Variants in ROBO2 observed in about 807,000 individuals in gnomAD.
ROBO2 encodes the protein roundabout guidance receptor 2.
Under a neutral mutation model 160.8 loss-of-function variants are expected in ROBO2, and 53 were observed. The ratio of observed to expected loss-of-function variants is 0.33; its 90% CI spans 0.26 to 0.41. ROBO2 has a LOEUF of 0.41. Ranked by LOEUF, ROBO2 falls within the 10% of genes least tolerant of loss-of-function variation. The probability of loss-of-function intolerance (pLI) is 1.00; values close to 1 mark genes in which losing one functional copy is unlikely to be tolerated. For missense variants in ROBO2, 1,577 were observed against 1,722.4 expected (o/e 0.92, Z 1.49); for synonymous variants, 664 against 611.7 (o/e 1.09, Z -1.26).
intron 2 of ROBO2, among the ~76,000 whole-genome samples, chr3:77,352,439 G>T (rs2068485230): frequency 6.6e-6 from 1 of 151,994 alleles, no homozygotes; most frequent in South Asian, 2.1e-4. Flanking sequence ...CCCAGAGAGA[G>T]ACATCAGTTT....
intron 2 of ROBO2, among the ~76,000 whole-genome samples, chr3:76,962,335 AAAAC>A (rs901606170): frequency 8.6e-5 from 13 of 152,022 alleles, no homozygotes; most frequent in South Asian, 8.3e-4. Flanking sequence ...TTCCATTAAA[AAAAC>A]AAACAAACAA....
At chr3:76,323,138 T>TACACACACACACACACACACACACAC (rs71874425) in intron 2 of ROBO2, among the ~76,000 whole-genome samples, 111 of 144,038 alleles carry the variant, frequency 7.7e-4, no homozygotes, top group Middle Eastern at 3.5e-3. Context: ...TTGTTAGTAT[T>TACACACACACACACACACACACACAC]ACACACACAC....
intron 2 of ROBO2, among the ~76,000 whole-genome samples, chr3:76,861,138 T>A (rs1456978645): frequency 6.6e-6 from 1 of 152,198 alleles, no homozygotes; most frequent in Non-Finnish European, 1.5e-5. Context: ...GACATTACAC[T>A]ATTCTGAGTT....
intron 2 of ROBO2, among the ~76,000 whole-genome samples, chr3:76,386,618 G>T (rs974848011): frequency 6.6e-6 from 1 of 152,026 alleles, no homozygotes; most frequent in Non-Finnish European, 1.5e-5. Context: ...TGTGGCAGAT[G>T]TTAAGGTAAT....
chr3:77,461,323 A>G (rs2082220316), intron 2 of ROBO2, among the ~76,000 whole-genome samples: 2 of 152,150 alleles, frequency 1.3e-5, no homozygotes, highest in South Asian at 4.2e-4. Flanking sequence ...AATGAATTTT[A>G]ACTAACATTT....
chr3:76,686,247 C>T (rs2092683778), intron 2 of ROBO2, among the ~76,000 whole-genome samples: 1 of 152,042 alleles, frequency 6.6e-6, no homozygotes, highest in Non-Finnish European at 1.5e-5. Context: ...AAACCCATTA[C>T]TAGTGTGTAC....
intron 2 of ROBO2, among the ~76,000 whole-genome samples, chr3:77,005,777 A>T (rs1433347295): frequency 6.6e-6 from 1 of 152,190 alleles, no homozygotes; most frequent in Non-Finnish European, 1.5e-5. Flanking sequence ...AAGCTGCCCT[A>T]GTCTCAAAGT....
At chr3:76,748,007 A>G (rs2093921049) in intron 2 of ROBO2, among the ~76,000 whole-genome samples, 1 of 152,036 alleles carries the variant, frequency 6.6e-6, no homozygotes, top group Admixed American at 6.6e-5. Flanking sequence ...TCATATGATA[A>G]CAGAAGAGAG....
intron 2 of ROBO2, among the ~76,000 whole-genome samples, chr3:76,579,028 A>C (rs1476396633): frequency 2.6e-5 from 4 of 152,078 alleles, no homozygotes; most frequent in Non-Finnish European, 4.4e-5. Flanking sequence ...AATCATACCA[A>C]GTCTCTCTAG....
intron 2 of ROBO2, among the ~76,000 whole-genome samples, chr3:76,711,116 T>C (rs1350619746): frequency 6.6e-6 from 1 of 152,162 alleles, no homozygotes; most frequent in Non-Finnish European, 1.5e-5. Flanking sequence ...AAATGCTATG[T>C]AAAACTACCC....
chr3:76,734,595 G>A (rs2093681641), intron 2 of ROBO2, among the ~76,000 whole-genome samples: 1 of 152,128 alleles, frequency 6.6e-6, no homozygotes, highest in African/African-American at 2.4e-5. Flanking sequence ...CTGAGCCAGG[G>A]TTAGACCGCC....
At chr3:76,057,853 T>G (rs2067908816) in intron 2 of ROBO2, among the ~76,000 whole-genome samples, 1 of 152,202 alleles carries the variant, frequency 6.6e-6, no homozygotes, top group Non-Finnish European at 1.5e-5. Context: ...CCTAATCTCA[T>G]ACCATAAACA....
At chr3:77,210,119 A>G (rs17821034) in intron 2 of ROBO2, among the ~76,000 whole-genome samples, 22,001 of 151,944 alleles carry the variant, frequency 0.14, 1,877 homozygotes, top group Middle Eastern at 0.21. Flanking sequence ...TGCTTTTTCT[A>G]TAGTTAGCAG....
chr3:75,979,367 A>T (rs545502106), intron 2 of ROBO2, among the ~76,000 whole-genome samples: 2 of 151,712 alleles, frequency 1.3e-5, no homozygotes, highest in South Asian at 4.1e-4. Flanking sequence ...TAATTATCTT[A>T]TCCAAGACAG....
At chr3:76,869,199 G>T (rs535379585) in intron 2 of ROBO2, among the ~76,000 whole-genome samples, 2 of 152,152 alleles carry the variant, frequency 1.3e-5, no homozygotes, top group South Asian at 2.1e-4. Context: ...AAACTAAGTC[G>T]TCCTAACCAT....
chr3:76,816,339 G>A (rs1477485575), intron 2 of ROBO2, among the ~76,000 whole-genome samples: 1 of 152,006 alleles, frequency 6.6e-6, no homozygotes, highest in Non-Finnish European at 1.5e-5. Context: ...TGTTCAAAGC[G>A]AATGTACATG....
chr3:76,251,098 C>T (rs1705965900), intron 2 of ROBO2, among the ~76,000 whole-genome samples: 1 of 151,926 alleles, frequency 6.6e-6, no homozygotes, highest in African/African-American at 2.4e-5. Flanking sequence ...ATCAGTGGCA[C>T]CCTTCCTACC....
At chr3:77,179,129 T>TA (rs1314113973) in intron 2 of ROBO2, among the ~76,000 whole-genome samples, 3 of 151,956 alleles carry the variant, frequency 2.0e-5, no homozygotes, top group South Asian at 2.1e-4. Context: ...TATTTTTTTT[T>TA]AAAAATCTGT....
intron 2 of ROBO2, among the ~76,000 whole-genome samples, chr3:76,647,374 G>A (rs528669889): frequency 6.6e-6 from 1 of 152,222 alleles, no homozygotes; most frequent in African/African-American, 2.4e-5. Flanking sequence ...CCCCCTATCG[G>A]CAGAGCCTAA....
Sources: gnomAD v4.1 joint callset for allele counts (sites outside exome capture counted in the v4.1 genomes callset) on GRCh38, gnomAD v4.1.1 for gene constraint, MANE v1.5 for transcripts, NCBI Gene and HGNC (gene_info 2026-07-23, HGNC 2026-07-21) for gene names.